Variants in YIPF1 observed in about 807,000 individuals in gnomAD.
YIPF1 encodes protein YIPF1.
A neutral mutation model predicts 37.0 loss-of-function variants in YIPF1; 22 were observed. That is an observed-to-expected ratio of 0.59 (90% CI 0.42 to 0.85). The LOEUF (loss-of-function observed/expected upper bound fraction) is 0.85. Ranked by LOEUF, YIPF1 falls within the 40% of genes least tolerant of loss-of-function variation. YIPF1 has a pLI of 0.00. For missense variants in YIPF1, 355 were observed against 373.1 expected (o/e 0.95, Z 0.40); for synonymous variants, 128 against 131.9 (o/e 0.97, Z 0.21).
intron 10 of YIPF1, 48 bp downstream of exon 10, chr1:53,860,008 C>T (rs1381454901): frequency 2.8e-5 from 44 of 1,578,620 alleles, no homozygotes; most frequent in Non-Finnish European, 3.6e-5. Context: ...GATACACCTG[C>T]CCATGTTTTA....
rs755206600 is a variant in YIPF1, at chr1:53,889,004, G to C, written c.-49-18C>G. ...GCAGGGTTCTAAAAGAAAAAAATAGGTAAACATAATAGGATGACAGTATAA... is the reference window on the plus strand; with the variant it reads ...GCAGGGTTCTAAAAGAAAAAAATAGCTAAACATAATAGGATGACAGTATAA... On this transcript the variant is annotated intron_variant, in intron 2 of 10. Coordinates refer to ENST00000072644, the MANE Select transcript of YIPF1 (RefSeq NM_018982.5). 7 of 1,396,138 alleles carry C rather than the reference G, an allele frequency of 5.0e-6. No individual in the cohort carries two copies. Among genetic ancestry groups the C allele is most frequent in the Admixed American group, 3.4e-5 (2 of 59,362 alleles). 86.5% of individuals were successfully genotyped at this position (1,396,138 alleles called of 1,614,324 possible). A position where few individuals can be genotyped will look rare whatever the true frequency, so the allele number is the denominator to read the frequency against.
chr1:53,887,150 G>A (rs565271959), intron 3 of YIPF1, among the ~76,000 whole-genome samples: 3 of 152,042 alleles, frequency 2.0e-5, no homozygotes, highest in African/African-American at 7.3e-5. Flanking sequence ...ACAGTGGTGC[G>A]ATCTCGGTTC....
intron 6 of YIPF1, among the ~76,000 whole-genome samples, chr1:53,871,962 A>G (rs1464535112): frequency 1.3e-5 from 2 of 149,296 alleles, no homozygotes; most frequent in African/African-American, 2.6e-5. Context: ...ATGAGGGCAG[A>G]GTCGATTAAA....
intron 9 of YIPF1, among the ~76,000 whole-genome samples, chr1:53,861,296 CCA>C (rs1452332784): frequency 6.6e-6 from 1 of 152,108 alleles, no homozygotes; most frequent in Non-Finnish European, 1.5e-5. Flanking sequence ...GGGGATGGGG[CCA>C]CAGTGCTAGT....
In YIPF1 at chr1:53,861,262, A is replaced by G. The variant is rs372002265; in HGVS notation, c.832-1109T>C. The stretch of plus-strand genomic sequence containing the variant: ...CCAGCAGCTGTTTTCTGGGGCAAGG[A>G]AAGAAGAGTCCCTAACTTAAGTGGG... On this transcript the variant is annotated intron_variant, in intron 9 of 10. Transcript: ENST00000072644. Among the ~76,000 whole-genome samples the G allele has an allele frequency of 1.2e-4, 18 of 152,252 alleles. No homozygotes were observed. The East Asian group carries it at 2.5e-3, about 21-fold the overall frequency.
At chr1:53,861,961 C>G (rs1341540532) in intron 9 of YIPF1, among the ~76,000 whole-genome samples, 1 of 152,170 alleles carries the variant, frequency 6.6e-6, no homozygotes, top group African/African-American at 2.4e-5. Flanking sequence ...TTGCAGTGAG[C>G]CTAGATCACA....
chr1:53,883,305 A>C (rs1418254946), intron 3 of YIPF1, 29 bp from the exon 4 acceptor site: 15 of 1,509,088 alleles, frequency 9.9e-6, no homozygotes, highest in Non-Finnish European at 1.3e-5. Flanking sequence ...CACGGGCCTC[A>C]GAAACCTTAC....
intron 6 of YIPF1, among the ~76,000 whole-genome samples, chr1:53,874,486 G>A (rs1650283523): frequency 6.6e-6 from 1 of 152,034 alleles, no homozygotes; most frequent in African/African-American, 2.4e-5. Flanking sequence ...ATATTTTTAG[G>A]CCGGGCATGG....
chr1:53,861,333 AG>A (rs1273664254), intron 9 of YIPF1, among the ~76,000 whole-genome samples: 1 of 152,122 alleles, frequency 6.6e-6, no homozygotes, highest in Non-Finnish European at 1.5e-5. Flanking sequence ...GTTCTCCCTC[AG>A]GTACACTGTG....
chr1:53,877,969 A>T (rs950951431), intron 6 of YIPF1, among the ~76,000 whole-genome samples: 7 of 152,120 alleles, frequency 4.6e-5, no homozygotes, highest in Non-Finnish European at 8.8e-5. Flanking sequence ...TTTAGTAGAG[A>T]CAGGGTCTTG....
intron 4 of YIPF1, 180 bp downstream of exon 4, chr1:53,882,933 G>T: frequency 1.8e-6 from 1 of 568,858 alleles, no homozygotes; most frequent in Non-Finnish European, 2.8e-6. Context: ...CCCTCCACAA[G>T]TGTACTTACG....
In YIPF1 at chr1:53,878,680, C is replaced by A; in HGVS notation, c.238G>T (p.Glu80Ter). The A allele has an allele frequency of 6.3e-7, 1 of 1,599,696 alleles. No individual in the cohort carries two copies. The highest frequency in any genetic ancestry group is 1.1e-5 in the South Asian group (1 of 88,298). The stretch of plus-strand genomic sequence containing the variant: ...ACATCAAAGAATGTTTGGTAGTATT[C>A]AAATGTCCAGAAGGGGGAGCTTTTC... ...QKKSSPFWTF[E>*]YYQTFFDVDT... The change falls in exon 5 of 11, where the codon GAA (glutamate) becomes TAA (stop). Residue 80 changes from glutamate to a stop codon, truncating the protein, a stop_gained. Coordinates refer to ENST00000072644, the MANE Select transcript of YIPF1 (RefSeq NM_018982.5). LOFTEE classifies it high-confidence loss of function.
At chr1:53,856,292 G>A (rs1181689032) in intron 10 of YIPF1, among the ~76,000 whole-genome samples, 1 of 152,212 alleles carries the variant, frequency 6.6e-6, no homozygotes, top group Non-Finnish European at 1.5e-5. Flanking sequence ...CTTCTCAGAT[G>A]CTGCTCTGAC....
chr1:53,868,350 C>T (rs1650087102), intron 7 of YIPF1, among the ~76,000 whole-genome samples: 1 of 152,138 alleles, frequency 6.6e-6, no homozygotes, highest in African/African-American at 2.4e-5. Flanking sequence ...GGTTCTAGTT[C>T]TAGGAAAAGA....
intron 10 of YIPF1, among the ~76,000 whole-genome samples, chr1:53,854,688 G>A (rs986256815): frequency 6.6e-6 from 1 of 152,180 alleles, no homozygotes; most frequent in Non-Finnish European, 1.5e-5. Flanking sequence ...TATAGAATCT[G>A]GGAGGGTAAG....
intron 10 of YIPF1, among the ~76,000 whole-genome samples, chr1:53,856,384 T>C (rs1402054581): frequency 6.6e-6 from 1 of 152,180 alleles, no homozygotes; most frequent in Non-Finnish European, 1.5e-5. Flanking sequence ...ACCCTCAACA[T>C]GGCGATGTCA....
At chr1:53,869,814 A>G (rs1485852094) in intron 7 of YIPF1, among the ~76,000 whole-genome samples, 1 of 151,542 alleles carries the variant, frequency 6.6e-6, no homozygotes, top group Non-Finnish European at 1.5e-5. Context: ...CCTAGGACAC[A>G]TTCATTTCTG....
chr1:53,869,156 T>TCACACA lies in YIPF1; in HGVS notation c.481+2215_481+2216insTGTGTG, dbSNP rs1389115434. On this transcript the variant is annotated intron_variant, in intron 7 of 10. Transcript: ENST00000072644. The stretch of plus-strand genomic sequence containing the variant: ...TTCTCTCTCTCTCTCTCTCTCTCTC[T>TCACACA]CTCTCACACACACACACACACACAC... Among the ~76,000 whole-genome samples the TCACACA allele has an allele frequency of 6.4e-5, 8 of 125,650 alleles. No individual in the cohort carries two copies. The South Asian group carries it at 1.1e-3, about 17-fold the overall frequency. The allele number at this position is 125,650 out of a possible 152,430, so 82.4% of individuals were successfully genotyped here.
Position 53,860,107 on chromosome 1 carries a change from G to A in YIPF1, c.878C>T (p.Thr293Ile). The A allele has an allele frequency of 1.2e-6, 2 of 1,614,164 alleles. No homozygotes were observed. Among genetic ancestry groups the A allele is most frequent in the African/African-American group, 1.3e-5 (1 of 75,048 alleles). ...APEMDHLPTT[T>I]ATPNQTVAAA... Reference sequence around the variant, plus strand: ...AGCAACTGTTTGGTTTGGAGTAGCTGTAGTTGTTGGGAGATGGTCCATCTC... The same window carrying A: ...AGCAACTGTTTGGTTTGGAGTAGCTATAGTTGTTGGGAGATGGTCCATCTC... The change falls in exon 10 of 11, where the codon ACA (threonine) becomes ATA (isoleucine). Residue 293 changes from threonine (T) to isoleucine (I), a missense_variant. Physicochemically the swap from Thr to Ile is moderately conservative, Grantham distance 89 (BLOSUM62 -1). Coordinates refer to ENST00000072644, the MANE Select transcript of YIPF1 (RefSeq NM_018982.5).
Sources: allele counts gnomAD v4.1 joint callset (sites outside exome capture counted in the v4.1 genomes callset), GRCh38; gene constraint gnomAD v4.1.1; transcripts MANE v1.5; gene names NCBI Gene and HGNC (gene_info 2026-07-23, HGNC 2026-07-21).